The following PI4KA variants were observed in gnomAD, a reference collection of about 807,000 sequenced individuals.
PI4KA encodes PI4-kinase alpha.
PI4KA carries 122 observed loss-of-function variants against 271.4 expected under a neutral mutation model. The ratio of observed to expected loss-of-function variants is 0.45; its 90% CI spans 0.39 to 0.52. The LOEUF is 0.52. Ranked by LOEUF, PI4KA falls within the 20% of genes least tolerant of loss-of-function variation. PI4KA has a pLI of 0.00. For missense variants in PI4KA, 1,969 were observed against 2,769.1 expected (o/e 0.71, Z 6.48); for synonymous variants, 1,041 against 1,078.8 (o/e 0.96, Z 0.69).
At chr22:20,711,781 T>C (rs1322919220) in intron 50 of PI4KA, among the ~76,000 whole-genome samples, 2 of 152,112 alleles carry the variant, frequency 1.3e-5, no homozygotes, top group Admixed American at 6.5e-5. Context: ...AGTCTCGCTC[T>C]GTCGCCAGGC....
intron 42 of PI4KA, chr22:20,725,563 G>A (rs1462198721): frequency 2.2e-6 from 1 of 452,318 alleles, no homozygotes; most frequent in East Asian, 7.0e-5. Flanking sequence ...ACACACAAAA[G>A]GATGACCCTG....
At chr22:20,766,733 G>T (rs1381780847) in intron 19 of PI4KA, among the ~76,000 whole-genome samples, 1 of 152,200 alleles carries the variant, frequency 6.6e-6, no homozygotes, top group African/African-American at 2.4e-5. Context: ...GGACCCCCCA[G>T]TGGATGTTGA....
At chr22:20,711,808 G>GCA (rs1487397564) in intron 50 of PI4KA, among the ~76,000 whole-genome samples, 1 of 151,122 alleles carries the variant, frequency 6.6e-6, no homozygotes, top group African/African-American at 2.4e-5. Context: ...GCAGTGGCAT[G>GCA]ATCTTGGCTC....
intron 24 of PI4KA, 30 bp downstream of exon 24, chr22:20,753,080 C>G: frequency 6.2e-7 from 1 of 1,614,192 alleles, no homozygotes; most frequent in Non-Finnish European, 8.5e-7. Context: ...CTCCAGCAGA[C>G]AGACACGCAT....
chr22:20,856,053 G>T (rs145658781), intron 1 of PI4KA, among the ~76,000 whole-genome samples: 1 of 152,170 alleles, frequency 6.6e-6, no homozygotes, highest in African/African-American at 2.4e-5. Flanking sequence ...AGACCAAGGC[G>T]GGTGGATTAC....
chr22:20,779,362 C>T (rs1933558753), intron 19 of PI4KA: 6 of 1,614,148 alleles, frequency 3.7e-6, no homozygotes, highest in East Asian at 2.2e-5. Flanking sequence ...ATAACATCTG[C>T]GTGGGGTGGG....
intron 1 of PI4KA, among the ~76,000 whole-genome samples, chr22:20,839,534 A>G (rs1449491427): frequency 1.3e-5 from 2 of 152,202 alleles, no homozygotes; most frequent in Non-Finnish European, 2.9e-5. Flanking sequence ...TGACTCTTTT[A>G]AAAAATCAAA....
At chr22:20,797,836 G>A (rs1270540413) in intron 17 of PI4KA, among the ~76,000 whole-genome samples, 6 of 152,082 alleles carry the variant, frequency 3.9e-5, no homozygotes, top group South Asian at 2.1e-4. Flanking sequence ...GGAGGAGCCC[G>A]GAGGTCAAGA....
At chr22:20,849,789 G>C (rs1230410778) in intron 1 of PI4KA, among the ~76,000 whole-genome samples, 1 of 152,176 alleles carries the variant, frequency 6.6e-6, no homozygotes, top group Non-Finnish European at 1.5e-5. Flanking sequence ...GGGAGGCAGA[G>C]CTTGCAGTGA....
intron 9 of PI4KA, 94 bp from the exon 10 acceptor site, chr22:20,807,552 G>A (rs1018013886): frequency 1.2e-5 from 8 of 692,598 alleles, no homozygotes; most frequent in Admixed American, 2.4e-5. Flanking sequence ...ATGGTGATTC[G>A]TGACTTAGCA....
At chr22:20,745,765 G>C (rs1929981884) in intron 29 of PI4KA, among the ~76,000 whole-genome samples, 1 of 152,076 alleles carries the variant, frequency 6.6e-6, no homozygotes, top group South Asian at 2.1e-4. Flanking sequence ...CATCTGTAAA[G>C]TGGGCATAAC....
rs1925148155 is a variant in PI4KA at position 20,710,709 on chromosome 22, G to C, written c.6073C>G (p.Leu2025Val). Residue 2025 changes from leucine to valine, a missense_variant, in exon 52 of 55, where the codon CTG (leucine) becomes GTG (valine). Coordinates refer to ENST00000255882, the MANE Select transcript of PI4KA (RefSeq NM_058004.4). ...CTCACCCAGGCTCACCGCACAGCCA[G>C]GTAGCCTCGGACACACATCTCCATG... is the stretch of plus-strand genomic sequence containing the variant. ...WFMEMCVRGY[L>V]AVRPYMDAVV... 2 of 1,614,068 alleles carry C rather than the reference G, an allele frequency of 1.2e-6. No individual in the cohort carries two copies. The highest frequency in any genetic ancestry group is 1.7e-6 in the Non-Finnish European group (2 of 1,179,890).
chr22:20,789,502 G>GT (rs1253467777), intron 19 of PI4KA, among the ~76,000 whole-genome samples: 1 of 152,106 alleles, frequency 6.6e-6, no homozygotes, highest in Admixed American at 6.6e-5. Flanking sequence ...GCTAATTTTT[G>GT]TATTTTTAGC....
At chr22:20,809,144 C>T (rs79569586) in intron 9 of PI4KA, among the ~76,000 whole-genome samples, 4,525 of 152,208 alleles carry the variant, frequency 0.03, 90 homozygotes, top group Middle Eastern at 0.061. Context: ...CAGTTCAGGG[C>T]TTTGACTCTG....
At chr22:20,740,043 C>T (rs1258744737) in intron 32 of PI4KA, among the ~76,000 whole-genome samples, 1 of 107,250 alleles carries the variant, frequency 9.3e-6, no homozygotes, top group African/African-American at 3.8e-5. Context: ...GCCTGGGCAA[C>T]AGAGTGAGAC....
chr22:20,855,305 T>C (rs1927460849), intron 1 of PI4KA, among the ~76,000 whole-genome samples: 1 of 152,104 alleles, frequency 6.6e-6, no homozygotes, highest in African/African-American at 2.4e-5. Flanking sequence ...CAAGGGTACA[T>C]GTGCACAACA....
chr22:20,712,855 C>A, intron 48 of PI4KA, 58 bp from the exon 49 acceptor site: 3 of 1,550,642 alleles, frequency 1.9e-6, no homozygotes, highest in East Asian at 4.9e-5. Context: ...CCCAGCAGCT[C>A]TTCTGGCTCA....
At chr22:20,752,825 G>A (rs1930852341) in intron 25 of PI4KA, 78 bp downstream of exon 25, 2 of 1,458,766 alleles carry the variant, frequency 1.4e-6, no homozygotes, top group Non-Finnish European at 1.9e-6. Context: ...AATAATATAA[G>A]GATGATTTTT....
At position 20,714,663 on chromosome 22, in the gene PI4KA, C is replaced by T. The variant is rs773563796; in HGVS notation, c.5355G>A (p.Leu1785=). The change falls in exon 46 of 55, where the codon CTG becomes CTA. Residue 1785 remains leucine, a synonymous_variant. Coordinates refer to ENST00000255882, the MANE Select transcript of PI4KA (RefSeq NM_058004.4). ...YLPSNPEAIV[L]DIDYKSGTPM... ...GGGTCCCAGACTTGTAGTCGATGTC[C>T]AGCACAATGGCCTCAGGGTTGCTGG... The T allele has an allele frequency of 1.2e-6, 2 of 1,614,022 alleles. No homozygotes were observed. Among genetic ancestry groups the T allele is most frequent in the South Asian group, 2.2e-5 (2 of 91,078 alleles).
Sources: allele counts gnomAD v4.1 joint callset (sites outside exome capture counted in the v4.1 genomes callset), GRCh38; gene constraint gnomAD v4.1.1; transcripts MANE v1.5; gene names NCBI Gene and HGNC (gene_info 2026-07-23, HGNC 2026-07-21).